The following KANK2 variants were observed in gnomAD, a reference collection of about 807,000 sequenced individuals.
The protein encoded by KANK2 is KN motif and ankyrin repeat domains 2.
KANK2 carries 41 observed loss-of-function variants against 74.6 expected under a neutral mutation model. The ratio of observed to expected loss-of-function variants is 0.55; its 90% confidence interval spans 0.43 to 0.71. The LOEUF (loss-of-function observed/expected upper bound fraction) is 0.71. Among genes scored for constraint, KANK2 ranks in the 30% least tolerant of loss-of-function variants. KANK2 has a pLI of 0.00. For synonymous variants in KANK2, 537 were observed against 519.0 expected (o/e 1.03, Z -0.47); for missense variants, 1,148 against 1,196.4 (o/e 0.96, Z 0.60).
intron 4 of KANK2, among the ~76,000 whole-genome samples, chr19:11,180,781 C>A (rs1339908183): frequency 6.6e-6 from 1 of 152,016 alleles, no homozygotes; most frequent in Non-Finnish European, 1.5e-5. Context: ...AAATGCAGGG[C>A]GCCTAACTTG....
rs2078138996 is a variant in KANK2, at chr19:11,170,298, G to A, written c.2212-50C>T. 2.0e-6 allele frequency: 3 copies of A among 1,519,722 alleles called. No homozygotes were observed. Among genetic ancestry groups the A allele is most frequent in the Non-Finnish European group, 1.8e-6 (2 of 1,108,146 alleles). 94.1% of individuals were successfully genotyped at this position (1,519,722 alleles called of 1,614,324 possible). A position where few individuals can be genotyped will look rare whatever the true frequency, so the allele number is the denominator to read the frequency against. ...ATGGTTCATGCAGGCCCCAGGGCAG[G>A]ACACCCCCTGGTCTAGAACCTGCTG... On this transcript the variant is annotated intron_variant, in intron 10 of 12. Coordinates refer to ENST00000586659, the MANE Select transcript of KANK2 (RefSeq NM_001136191.3). This position sits in a 1 kb window ranked among gnomAD's most constrained non-coding sequence, Gnocchi z 5.2.
intron 6 of KANK2, 47 bp from the exon 7 acceptor site, chr19:11,176,864 G>C: frequency 6.8e-7 from 1 of 1,480,882 alleles, no homozygotes; most frequent in Non-Finnish European, 8.9e-7. Flanking sequence ...GGTGGGATGA[G>C]AAATGGTGGG....
Position 11,172,348 on chromosome 19 carries a change from A to C in KANK2, c.2211+633T>G, listed in dbSNP as rs537370832. On this transcript the variant is annotated intron_variant, in intron 10 of 12. Transcript: ENST00000586659. The stretch of plus-strand genomic sequence containing the variant: ...AAACAAAATTAAATCAATAAAGATA[A>C]GGCAGGATCATGCCTGTTATGCCCC... 6.6e-5 allele frequency among the ~76,000 whole-genome samples: 10 copies of C among 152,342 alleles called. No homozygotes were observed. In the South Asian group the frequency reaches 2.1e-3, roughly 32 times the overall value.
Position 11,169,861 on chromosome 19 carries a change from C to T in KANK2, c.2502+16G>A, listed in dbSNP as rs1393280188. 6.2e-7 allele frequency: 1 copy of T among 1,608,838 alleles called. No homozygotes were observed. The highest frequency in any genetic ancestry group is 1.1e-5 in the South Asian group (1 of 90,954). Reference sequence around the variant, plus strand: ...ACCCACCCATCCCGTGCCTACCCGGCCGGATTGAGACTCACCGAGCACTTG... The same window carrying T: ...ACCCACCCATCCCGTGCCTACCCGGTCGGATTGAGACTCACCGAGCACTTG... On this transcript the variant is annotated intron_variant, in intron 12 of 12. Coordinates refer to ENST00000586659, the MANE Select transcript of KANK2 (RefSeq NM_001136191.3).
chr19:11,178,740 G>A lies in KANK2; in HGVS notation c.1250-20C>T, dbSNP rs188741857. 6.6e-7 allele frequency: 1 copy of A among 1,505,762 alleles called. No homozygotes were observed. The highest frequency in any genetic ancestry group is 2.5e-5 in the Admixed American group (1 of 40,332). 93.3% of individuals were successfully genotyped at this position (1,505,762 alleles called of 1,614,324 possible). A position where few individuals can be genotyped will look rare whatever the true frequency, so the allele number is the denominator to read the frequency against. On this transcript the variant is annotated intron_variant, in intron 4 of 12. Transcript: ENST00000586659. ...GGAGGCCTGGAGGGACAGGAAATGAGTGTCTGCTCTTGGTCATAAAAGCCA... is the reference window on the plus strand; with the variant it reads ...GGAGGCCTGGAGGGACAGGAAATGAATGTCTGCTCTTGGTCATAAAAGCCA...
In KANK2 at chr19:11,176,704, G is replaced by C. The variant is rs1568645102; in HGVS notation, c.1634C>G (p.Pro545Arg). ...RERVPSVAEA[P>R]QLRPAGTAAA... ...TGCCGTCCCTGCAGGCCTGAGCTGG[G>C]GGGCTTCGGCCACACTCGGAACCCT... Residue 545 changes from proline (P) to arginine (R), a missense_variant, in exon 7 of 13, where the codon CCC (proline) becomes CGC (arginine). Coordinates refer to ENST00000586659, the MANE Select transcript of KANK2 (RefSeq NM_001136191.3). 1 of 1,612,876 alleles carries C rather than the reference G, an allele frequency of 6.2e-7. No individual in the cohort carries two copies. Among genetic ancestry groups the C allele is most frequent in the South Asian group, 1.1e-5 (1 of 90,858 alleles).
intron 6 of KANK2, among the ~76,000 whole-genome samples, chr19:11,177,386 G>A (rs1015446898): frequency 8.6e-4 from 131 of 151,914 alleles, no homozygotes; most frequent in Middle Eastern, 3.4e-3. Context: ...ACGGAGTCTC[G>A]CTCTGTCGCC....
At chr19:11,175,346 T>G (rs2078303876) in intron 8 of KANK2, among the ~76,000 whole-genome samples, 1 of 137,978 alleles carries the variant, frequency 7.2e-6, no homozygotes. Flanking sequence ...GAGAATTGCT[T>G]GAACCTGGGA....
chr19:11,173,121 C>T lies in KANK2; in HGVS notation c.2071G>A (p.Val691Ile). 6.2e-7 allele frequency: 1 copy of T among 1,612,250 alleles called. No individual in the cohort carries two copies. Among genetic ancestry groups the T allele is most frequent in the Non-Finnish European group, 8.5e-7 (1 of 1,179,102 alleles). ...PVVQQLLDSG[V>I]CKVDKQNRAG... ...CGGTTCTGTTTGTCCACCTTGCAGA[C>T]ACCTAAGAGACATGGTGTGAACCCT... Residue 691 changes from valine (V) to isoleucine (I), a missense_variant and splice_region_variant, in exon 10 of 13, where the codon GTC becomes ATC. Coordinates refer to ENST00000586659, the MANE Select transcript of KANK2 (RefSeq NM_001136191.3).
rs575558680 is a variant in KANK2, at chr19:11,170,790, C to T, written c.2212-542G>A. 3.0e-4 allele frequency among the ~76,000 whole-genome samples: 46 copies of T among 152,182 alleles called. No individual in the cohort carries two copies. The highest frequency in any genetic ancestry group is 3.4e-3 in the Middle Eastern group (1 of 294). On this transcript the variant is annotated intron_variant, in intron 10 of 12. Coordinates refer to ENST00000586659, the MANE Select transcript of KANK2 (RefSeq NM_001136191.3). The surrounding 1 kb of genome is among the most constrained non-coding windows in gnomAD (Gnocchi z 5.2). The stretch of plus-strand genomic sequence containing the variant: ...ATCTTTTGTATAGATAGGGTTTTGC[C>T]ATGTTGCCCAGGCTAATTGTTCCTT...
Position 11,193,980 on chromosome 19 carries a change from C to T in KANK2, c.100G>A (p.Val34Met), listed in dbSNP as rs2078941560. ...AGGCGGTAGCCATAGGGGGTCTCCA[C>T]GGAGTAGGGTGGATCGGGGTCCTTG... ...PAKDPDPPYS[V>M]ETPYGYRLDL... The change falls in exon 4 of 13, where the codon GTG becomes ATG. Residue 34 changes from valine to methionine, a missense_variant. By Grantham distance (21) the Val-to-Met change is conservative. Coordinates refer to ENST00000586659, the MANE Select transcript of KANK2 (RefSeq NM_001136191.3). The surrounding 1 kb of genome is among the most constrained non-coding windows in gnomAD (Gnocchi z 9.6). The T allele has an allele frequency of 3.7e-6, 6 of 1,613,964 alleles. No individual in the cohort carries two copies. The highest frequency in any genetic ancestry group is 1.1e-5 in the South Asian group (1 of 91,076).
intron 4 of KANK2, among the ~76,000 whole-genome samples, chr19:11,182,021 G>A (rs572318554): frequency 1.8e-4 from 27 of 150,730 alleles, no homozygotes; most frequent in Admixed American, 4.7e-4. Context: ...GGGTTCAAGC[G>A]ATTCTCCTGC....
chr19:11,166,643 G>C, intron 12 of KANK2, 32 bp from the exon 13 acceptor site: 3 of 1,611,190 alleles, frequency 1.9e-6, no homozygotes, highest in Non-Finnish European at 1.7e-6. Flanking sequence ...CTTTTTGTTT[G>C]GGATCCTTTC....
Position 11,174,558 on chromosome 19 carries a change from G to A in KANK2, c.1983C>T (p.Asn661=). 6.2e-7 allele frequency: 1 copy of A among 1,613,694 alleles called. No homozygotes were observed. The highest frequency in any genetic ancestry group is 8.5e-7 in the Non-Finnish European group (1 of 1,179,884). Residue 661 remains asparagine (N), a synonymous_variant, in exon 9 of 13, where the codon AAC becomes AAT. Transcript: ENST00000586659. ...CTGTGTTGCCGTTGCTGTCGGCGAT[G>A]TTGACCACGTAGTCCAGCAGCCGCG... ...MSARLLDYVV[N]IADSNGNTAL...
intron 8 of KANK2, 43 bp downstream of exon 8, chr19:11,175,859 G>A: frequency 1.3e-6 from 2 of 1,483,466 alleles, no homozygotes; most frequent in Non-Finnish European, 1.9e-6. Context: ...GTGGAGGTAG[G>A]GGTCCGGGGG....
chr19:11,185,411 C>A lies in KANK2; in HGVS notation c.1250-6691G>T, dbSNP rs1185389043. Among the ~76,000 whole-genome samples the A allele has an allele frequency of 2.0e-5, 3 of 149,060 alleles. 1 individual carries two copies. Among genetic ancestry groups the A allele is most frequent in the Non-Finnish European group, 4.5e-5 (3 of 66,974 alleles). ...GCCCAGGCTGGTCTCAAACTCCTGG[C>A]CTCAAGTGATCCTTCTGCCTTGGCC... On this transcript the variant is annotated intron_variant, in intron 4 of 12. Coordinates refer to ENST00000586659, the MANE Select transcript of KANK2 (RefSeq NM_001136191.3).
chr19:11,169,574 A>G (rs1197513790), intron 12 of KANK2: 2 of 524,066 alleles, frequency 3.8e-6, no homozygotes, highest in South Asian at 5.2e-5. Context: ...AGGCTAAGGC[A>G]GGTGGATCAC....
chr19:11,176,371 C>T (rs758480960), intron 7 of KANK2, among the ~76,000 whole-genome samples: 4 of 152,172 alleles, frequency 2.6e-5, no homozygotes, highest in African/African-American at 4.8e-5. Context: ...ATCCTAACCC[C>T]GGCAGCCCAA....
At chr19:11,192,452 T>TTTTG (rs2078874039) in intron 4 of KANK2, 4 of 166,492 alleles carry the variant, frequency 2.4e-5, no homozygotes, top group East Asian at 1.6e-4. Flanking sequence ...TTTTTTTTTT[T>TTTTG]GAGACAGAGT....
Sources: allele counts gnomAD v4.1 joint callset (sites outside exome capture counted in the v4.1 genomes callset), GRCh38; gene constraint gnomAD v4.1.1; non-coding constraint Gnocchi (gnomAD v3.1); transcripts MANE v1.5; gene names NCBI Gene and HGNC (gene_info 2026-07-23, HGNC 2026-07-21).